The following FTO variants were observed in gnomAD, a reference collection of about 807,000 sequenced individuals.
FTO encodes alpha-ketoglutarate-dependent dioxygenase FTO.
Under a neutral mutation model 63.9 loss-of-function variants are expected in FTO, and 47 were observed. That is an observed-to-expected ratio of 0.74 (90% CI 0.58 to 0.94). The LOEUF is 0.94. Ranked by LOEUF, FTO falls within the 40% of genes least tolerant of loss-of-function variation. The pLI is 0.00. For missense variants in FTO, 562 were observed against 618.1 expected (o/e 0.91, Z 0.96); for synonymous variants, 207 against 224.4 (o/e 0.92, Z 0.69).
At chr16:53,908,768 G>GC (rs1327640973) in intron 7 of FTO, among the ~76,000 whole-genome samples, 1 of 152,164 alleles carries the variant, frequency 6.6e-6, no homozygotes, top group Non-Finnish European at 1.5e-5. Context: ...AGGTTTTCTG[G>GC]CCCAGGGTAG....
chr16:53,906,277 G>A, intron 7 of FTO, among the ~76,000 whole-genome samples: 1 of 152,194 alleles, frequency 6.6e-6, no homozygotes, highest in East Asian at 1.9e-4. Context: ...CCAAGTTGCA[G>A]TATGGTTCAA....
intron 1 of FTO, among the ~76,000 whole-genome samples, chr16:53,754,501 G>A (rs909426781): frequency 6.6e-6 from 1 of 152,174 alleles, no homozygotes; most frequent in Admixed American, 6.5e-5. Context: ...GGCCGGGCAC[G>A]GTGGCGGATG....
chr16:53,801,772 T>C (rs73607077), intron 1 of FTO, among the ~76,000 whole-genome samples: 5,082 of 152,120 alleles, frequency 0.033, 283 homozygotes, highest in African/African-American at 0.12. Flanking sequence ...TTTTTTTTCT[T>C]TTTTTGAAAC....
At chr16:53,912,821 T>C (rs1321950538) in intron 7 of FTO, among the ~76,000 whole-genome samples, 1 of 152,232 alleles carries the variant, frequency 6.6e-6, no homozygotes, top group Non-Finnish European at 1.5e-5. Flanking sequence ...CAGTTGAAAT[T>C]TACTACCAGC....
In FTO at chr16:53,879,895, C is replaced by A; in HGVS notation, c.1027C>A (p.Gln343Lys). The A allele has an allele frequency of 1.2e-6, 2 of 1,613,656 alleles. No individual in the cohort carries two copies. The highest frequency in any genetic ancestry group is 8.5e-7 in the Non-Finnish European group (1 of 1,179,728). ...TTTACAACGCTGTCAGTTGGCTCTG[C>A]AGAATGTCTGTGACGATGTGGACAA... ...YILQRCQLAL[Q>K]NVCDDVDNDD... The change falls in exon 6 of 9, where the codon CAG becomes AAG. Residue 343 changes from glutamine (Q) to lysine (K), a missense_variant. By Grantham distance (53) the Gln-to-Lys change is moderately conservative. Transcript: ENST00000471389.
At chr16:53,996,734 G>A (rs1211224909) in intron 8 of FTO, among the ~76,000 whole-genome samples, 2 of 152,120 alleles carry the variant, frequency 1.3e-5, no homozygotes, top group Admixed American at 1.3e-4. Context: ...CATGGCAGAA[G>A]GAGAAGCAAA....
At chr16:53,905,109 G>A (rs2081503986) in intron 7 of FTO, among the ~76,000 whole-genome samples, 1 of 151,914 alleles carries the variant, frequency 6.6e-6, no homozygotes, top group Non-Finnish European at 1.5e-5. Context: ...CTCAGGAGTT[G>A]GGGGCCTTAC....
chr16:53,894,632 T>TTGTG (rs77253276), intron 7 of FTO, among the ~76,000 whole-genome samples: 121,809 of 150,788 alleles, frequency 0.81, 49,988 homozygotes, highest in Middle Eastern at 0.9. Flanking sequence ...TCACCAATTT[T>TTGTG]TGTGTGTGTG....
intron 3 of FTO, among the ~76,000 whole-genome samples, chr16:53,840,117 T>G (rs2079431970): frequency 6.6e-6 from 1 of 152,092 alleles, no homozygotes; most frequent in Admixed American, 6.6e-5. Flanking sequence ...TTATTTCTTT[T>G]TAATTTTGTG....
intron 1 of FTO, among the ~76,000 whole-genome samples, chr16:53,760,730 G>T (rs745628471): frequency 2.8e-5 from 4 of 144,498 alleles, no homozygotes; most frequent in Non-Finnish European, 4.5e-5. Context: ...AGGTTCAAGC[G>T]ATTCTCCTGC....
chr16:53,973,417 A>G (rs2083373761), intron 8 of FTO, among the ~76,000 whole-genome samples: 1 of 152,188 alleles, frequency 6.6e-6, no homozygotes, highest in African/African-American at 2.4e-5. Context: ...AATCTGATTC[A>G]TTTGGGGTGA....
At chr16:53,931,906 A>ACG (rs1491349968) in intron 7 of FTO, among the ~76,000 whole-genome samples, 1 of 150,170 alleles carries the variant, frequency 6.7e-6, no homozygotes, top group African/African-American at 2.5e-5. Context: ...ACACACACAC[A>ACG]CGCACATACC....
chr16:53,846,734 G>A lies in FTO; in HGVS notation c.895+2436G>A, dbSNP rs372021160. Reference sequence around the variant, plus strand: ...TGAGAATTGCTTGAACCCGGGAGGTGGAAGTTGCAGGGAGCTGAGATTGCA... The same window carrying A: ...TGAGAATTGCTTGAACCCGGGAGGTAGAAGTTGCAGGGAGCTGAGATTGCA... On this transcript the variant is annotated intron_variant, in intron 4 of 8. Coordinates refer to ENST00000471389, the MANE Select transcript of FTO (RefSeq NM_001080432.3). Among the ~76,000 whole-genome samples, 245 of 151,388 alleles carry A rather than the reference G, an allele frequency of 1.6e-3. 3 individuals are homozygous for A. In the Middle Eastern group the frequency reaches 0.017, roughly 11 times the overall value.
chr16:54,072,918 G>A (rs1303429431), intron 8 of FTO, among the ~76,000 whole-genome samples: 3 of 152,140 alleles, frequency 2.0e-5, no homozygotes, highest in African/African-American at 4.8e-5. Flanking sequence ...ACCTGTGGCT[G>A]GACTAGTTCT....
At chr16:54,012,401 A>G (rs2098372) in intron 8 of FTO, among the ~76,000 whole-genome samples, 79,049 of 151,620 alleles carry the variant, frequency 0.52, 23,027 homozygotes, top group African/African-American at 0.78. Flanking sequence ...AAGAAAAGAA[A>G]CTGTCTCCAT....
rs74922139 is a variant in FTO, at chr16:53,866,644, A to G, written c.896-7142A>G. 1.5e-3 allele frequency among the ~76,000 whole-genome samples: 223 copies of G among 152,110 alleles called. 1 individual carries two copies. The highest frequency in any genetic ancestry group is 5.1e-3 in the African/African-American group (212 of 41,530). On this transcript the variant is annotated intron_variant, in intron 4 of 8. Transcript: ENST00000471389. ...TGGTTCATTTTTTATAGGTTTTCAGATTTTTGGGTAAATAACTATTGACAT... is the reference window on the plus strand; with the variant it reads ...TGGTTCATTTTTTATAGGTTTTCAGGTTTTTGGGTAAATAACTATTGACAT...
chr16:53,732,041 A>ATTT (rs375814669), intron 1 of FTO, among the ~76,000 whole-genome samples: 12 of 98,600 alleles, frequency 1.2e-4, no homozygotes, highest in Non-Finnish European at 1.9e-4. Flanking sequence ...TTGTGGCCTT[A>ATTT]TTTTTTTTTT....
At chr16:53,961,193 G>A (rs941273192) in intron 8 of FTO, among the ~76,000 whole-genome samples, 2 of 151,700 alleles carry the variant, frequency 1.3e-5, no homozygotes, top group African/African-American at 4.8e-5. Context: ...TGCATCGAGT[G>A]CAGCTTTGTG....
rs549988443 is a variant in FTO, at chr16:54,116,191, C to T, written c.*4276C>T. ...TCAGTAGACGGTTTTTTGTATGCTT[C>T]GAGGGAAGGAAGGTATTTTCAAATG... On this transcript the variant is annotated 3_prime_UTR_variant, in exon 9 of 9. Coordinates refer to ENST00000471389, the MANE Select transcript of FTO (RefSeq NM_001080432.3). 6 of 152,034 alleles carry T rather than the reference C, an allele frequency of 3.9e-5. No homozygotes were observed. The highest frequency in any genetic ancestry group is 2.1e-4 in the South Asian group (1 of 4,820). The allele number at this position is 152,034 out of a possible 1,614,324, so 9.4% of individuals were successfully genotyped here.
Sources: gnomAD v4.1 joint callset for allele counts (sites outside exome capture counted in the v4.1 genomes callset) on GRCh38, gnomAD v4.1.1 for gene constraint, MANE v1.5 for transcripts, NCBI Gene and HGNC (gene_info 2026-07-23, HGNC 2026-07-21) for gene names.